The following ROBO1 variants were observed in gnomAD, a reference collection of about 807,000 sequenced individuals.
The protein encoded by ROBO1 is roundabout guidance receptor 1.
In ROBO1, 149 loss-of-function variants were observed where a neutral mutation model predicts 195.9. The ratio of observed to expected loss-of-function variants is 0.76; its 90% CI spans 0.67 to 0.87. The LOEUF (loss-of-function observed/expected upper bound fraction) is 0.87. Among genes scored for constraint, ROBO1 ranks in the 40% least tolerant of loss-of-function variants. The pLI is 0.00. For missense variants in ROBO1, 1,933 were observed against 2,068.3 expected (o/e 0.93, Z 1.27); for synonymous variants, 816 against 733.2 (o/e 1.11, Z -1.82).
At chr3:79,398,893 G>T (rs1404087611) in intron 2 of ROBO1, among the ~76,000 whole-genome samples, 1 of 152,014 alleles carries the variant, frequency 6.6e-6, no homozygotes, top group South Asian at 2.1e-4. Context: ...TAATGGCACA[G>T]ACACACTGTG....
chr3:79,214,014 C>A (rs945716421), intron 2 of ROBO1, among the ~76,000 whole-genome samples: 1 of 151,498 alleles, frequency 6.6e-6, no homozygotes, highest in Non-Finnish European at 1.5e-5. Flanking sequence ...TTAGTAGAGA[C>A]GGGATTTCAC....
intron 4 of ROBO1, among the ~76,000 whole-genome samples, chr3:78,903,538 C>A (rs1486335517): frequency 1.4e-5 from 2 of 148,100 alleles, no homozygotes; most frequent in Non-Finnish European, 3.0e-5. Context: ...AAAACTGGGA[C>A]AATAAAAGAA....
Position 78,938,768 on chromosome 3 carries a change from T to C in ROBO1, c.332A>G (p.Asp111Gly), listed in dbSNP as rs1346528097. 4 of 1,613,852 alleles carry C rather than the reference T, an allele frequency of 2.5e-6. No homozygotes were observed. Among genetic ancestry groups the C allele is most frequent in the East Asian group, 2.2e-5 (1 of 44,884 alleles). Residue 111 changes from aspartate (D) to glycine (G), a missense_variant, in exon 4 of 31, where the codon GAC (aspartate) becomes GGC (glycine). Asp to Gly is a moderately conservative substitution (Grantham distance 94). Around this residue, in one of 3 missense-constraint regions of ROBO1, gnomAD observed 185 missense variants for 159.5 expected, o/e 1.16. Coordinates refer to ENST00000464233, the MANE Select transcript of ROBO1 (RefSeq NM_002941.4). ...TCGGTGTGAGCGAGGGTCATCTTTG[T>C]CTGTCTCCACTCTCTCTCCCCCTTT... ...WYKGGERVET[D>G]KDDPRSHRML... is the part of the protein sequence containing the mutation.
At chr3:79,633,569 T>A (rs1576153418) in intron 1 of ROBO1, among the ~76,000 whole-genome samples, 1 of 152,084 alleles carries the variant, frequency 6.6e-6, no homozygotes, top group Non-Finnish European at 1.5e-5. Flanking sequence ...CTGTTAGTCC[T>A]GGTTTTTCTC....
intron 3 of ROBO1, among the ~76,000 whole-genome samples, chr3:78,945,288 C>A (rs184802792): frequency 8.9e-4 from 135 of 152,252 alleles, no homozygotes; most frequent in African/African-American, 3.1e-3. Context: ...CGGACTGACA[C>A]CTCACACGGC....
At position 78,627,385 on chromosome 3, in the gene ROBO1, G is replaced by A. The variant is rs117415292; in HGVS notation, c.3811C>T (p.Leu1271Phe). 136 of 1,612,636 alleles carry A rather than the reference G, an allele frequency of 8.4e-5. No homozygotes were observed. The East Asian group carries it at 2.2e-3, about 27-fold the overall frequency. Residue 1271 changes from leucine to phenylalanine, a missense_variant, in exon 26 of 31, where the codon CTC becomes TTC. Around this residue, in one of 3 missense-constraint regions of ROBO1, gnomAD observed 1,737 missense variants for 1,882.5 expected, o/e 0.92. Coordinates refer to ENST00000464233, the MANE Select transcript of ROBO1 (RefSeq NM_002941.4). ...ATLTPSPQEELQPMLQDCPEE... is the reference protein window; with the variant it reads ...ATLTPSPQEEFQPMLQDCPEE... ...GGACAATCCTGTAACATGGGCTGGA[G>A]TTCTTCCTGTGGGGAGGGAGTCAGA...
chr3:79,680,082 T>C (rs114991996), intron 1 of ROBO1, among the ~76,000 whole-genome samples: 5,446 of 152,140 alleles, frequency 0.036, 133 homozygotes, highest in Middle Eastern at 0.085. Context: ...TAGCTAGTGA[T>C]GGTCCTCACA....
At chr3:79,365,606 A>G (rs1168125067) in intron 2 of ROBO1, among the ~76,000 whole-genome samples, 4 of 152,044 alleles carry the variant, frequency 2.6e-5, no homozygotes, top group African/African-American at 9.7e-5. Context: ...AAACGGTACT[A>G]CTTTCCCAGG....
intron 1 of ROBO1, among the ~76,000 whole-genome samples, chr3:79,640,664 T>C (rs1472321925): frequency 6.6e-6 from 1 of 152,150 alleles, no homozygotes; most frequent in Admixed American, 6.6e-5. Context: ...TTTACTTAGC[T>C]CCCATGTGAC....
At chr3:79,203,534 C>A (rs1403254621) in intron 2 of ROBO1, among the ~76,000 whole-genome samples, 1 of 152,112 alleles carries the variant, frequency 6.6e-6, no homozygotes, top group African/African-American at 2.4e-5. Flanking sequence ...AGAAGTCCCT[C>A]GGAAAGGGAT....
intron 2 of ROBO1, among the ~76,000 whole-genome samples, chr3:79,324,943 G>A (rs1476390821): frequency 6.6e-6 from 1 of 152,214 alleles, no homozygotes; most frequent in Admixed American, 6.5e-5. Flanking sequence ...CGAGTTGAGA[G>A]TTGATGGTTA....
At chr3:78,879,865 GAC>G (rs912391941) in intron 4 of ROBO1, among the ~76,000 whole-genome samples, 14 of 152,150 alleles carry the variant, frequency 9.2e-5, no homozygotes, top group Admixed American at 2.6e-4. Flanking sequence ...TTTTACAGAA[GAC>G]TTGTATCTAA....
At chr3:78,901,934 T>C (rs1287312734) in intron 4 of ROBO1, among the ~76,000 whole-genome samples, 2 of 152,190 alleles carry the variant, frequency 1.3e-5, no homozygotes, top group Admixed American at 6.5e-5. Context: ...TAAAGTTCTT[T>C]CCAGGAAATT....
At chr3:79,053,648 C>T (rs899820034) in intron 3 of ROBO1, among the ~76,000 whole-genome samples, 19 of 151,930 alleles carry the variant, frequency 1.3e-4, no homozygotes, top group African/African-American at 3.1e-4. Context: ...ATCACCAGTA[C>T]GCTTCTGCTC....
intron 3 of ROBO1, among the ~76,000 whole-genome samples, chr3:79,078,015 G>A (rs2079203435): frequency 6.6e-6 from 1 of 151,734 alleles, no homozygotes; most frequent in African/African-American, 2.4e-5. Context: ...GTTAGTCTGT[G>A]ATTTCTGTGA....
At chr3:79,394,789 T>C (rs2037079372) in intron 2 of ROBO1, among the ~76,000 whole-genome samples, 1 of 152,170 alleles carries the variant, frequency 6.6e-6, no homozygotes, top group Non-Finnish European at 1.5e-5. Flanking sequence ...CTAGTGAGTG[T>C]TAAAACAAAA....
chr3:79,166,445 G>T (rs973767568), intron 2 of ROBO1, among the ~76,000 whole-genome samples: 2 of 151,628 alleles, frequency 1.3e-5, no homozygotes, highest in South Asian at 4.2e-4. Flanking sequence ...CCTCTTTTTA[G>T]AAATAATTTA....
chr3:79,387,035 T>A (rs1161128326), intron 2 of ROBO1, among the ~76,000 whole-genome samples: 4 of 152,168 alleles, frequency 2.6e-5, no homozygotes, highest in Non-Finnish European at 5.9e-5. Flanking sequence ...GTCACAATTT[T>A]GAGATGTAGA....
chr3:78,860,700 A>C (rs1224530430), intron 4 of ROBO1, among the ~76,000 whole-genome samples: 2 of 152,118 alleles, frequency 1.3e-5, no homozygotes, highest in Non-Finnish European at 2.9e-5. Context: ...CACCAGAGGT[A>C]CATTTTTAGC....
Sources: gnomAD v4.1 joint callset for allele counts (sites outside exome capture counted in the v4.1 genomes callset) on GRCh38, gnomAD v4.1.1 for gene constraint, gnomAD v4.1.1 regional missense constraint, MANE v1.5 for transcripts, NCBI Gene and HGNC (gene_info 2026-07-23, HGNC 2026-07-21) for gene names.